CPED1: variants seen among roughly 807,000 people sequenced by gnomAD.
The protein encoded by CPED1 is cadherin-like and PC-esterase domain-containing protein 1.
Under a neutral mutation model 128.2 loss-of-function variants are expected in CPED1, and 114 were observed. That is an observed-to-expected ratio of 0.89 (90% CI 0.76 to 1.04). The LOEUF is 1.04. Ranked by LOEUF, CPED1 falls within the 50% of genes least tolerant of loss-of-function variation. The pLI, the probability that CPED1 is intolerant of heterozygous loss-of-function variation, is 0.00. For missense variants in CPED1, 1,211 were observed against 1,207.1 expected, an observed-to-expected ratio of 1.00 and a Z score of -0.05; for synonymous variants, 462 against 426.7, an observed-to-expected ratio of 1.08 and a Z score of -1.02.
chr7:121,289,840 A>G (rs577094725), intron 22 of CPED1, among the ~76,000 whole-genome samples: 1 of 151,984 alleles, frequency 6.6e-6, no homozygotes, highest in Non-Finnish European at 1.5e-5. Context: ...AAGTTCTGGG[A>G]TACATATGCA....
chr7:121,121,211 C>T (rs549085018), intron 7 of CPED1, among the ~76,000 whole-genome samples: 1 of 152,270 alleles, frequency 6.6e-6, no homozygotes, highest in Non-Finnish European at 1.5e-5. Context: ...AGATATCAGA[C>T]ATGATCCAAG....
chr7:121,272,393 T>C (rs147224850), intron 22 of CPED1, among the ~76,000 whole-genome samples: 1 of 152,056 alleles, frequency 6.6e-6, no homozygotes, highest in African/African-American at 2.4e-5. Flanking sequence ...TCTTTTTTTT[T>C]TGAGTGATTT....
intron 16 of CPED1, among the ~76,000 whole-genome samples, chr7:121,190,388 T>G (rs1797107790): frequency 1.1e-5 from 1 of 87,148 alleles, no homozygotes; most frequent in African/African-American, 4.8e-5. Context: ...CGAGACTCTG[T>G]ATCAAAAAAA....
At chr7:121,063,513 A>G (rs974018408) in intron 4 of CPED1, among the ~76,000 whole-genome samples, 2 of 151,978 alleles carry the variant, frequency 1.3e-5, no homozygotes, top group African/African-American at 2.4e-5. Flanking sequence ...CCAGCAGGAC[A>G]TAGTGCTGCA....
chr7:121,263,604 A>G (rs895259768), intron 18 of CPED1, among the ~76,000 whole-genome samples: 3 of 152,046 alleles, frequency 2.0e-5, no homozygotes, highest in Non-Finnish European at 2.9e-5. Context: ...AAACAGGACT[A>G]TTGTGCCTCT....
At chr7:121,276,841 G>C (rs1342942228) in intron 22 of CPED1, among the ~76,000 whole-genome samples, 4 of 152,108 alleles carry the variant, frequency 2.6e-5, no homozygotes, top group African/African-American at 4.8e-5. Context: ...AAAAAAGTAG[G>C]TGAGGGCAAG....
Position 121,266,269 on chromosome 7 carries a change from T to C in CPED1, c.2353T>C (p.Tyr785His). The change falls in exon 19 of 23, where the codon TAT becomes CAT. Residue 785 changes from tyrosine to histidine, a missense_variant. By Grantham distance (83) the Tyr-to-His change is moderately conservative. Transcript: ENST00000310396. ...GDSTNRGIMY[Y>H]LIERLNETLQ... ...TTCAACCAACAGAGGGATCATGTACTATCTTATTGAAAGGCTGAATGAAAC... is the reference window on the plus strand; with the variant it reads ...TTCAACCAACAGAGGGATCATGTACCATCTTATTGAAAGGCTGAATGAAAC... The C allele has an allele frequency of 6.2e-7, 1 of 1,613,118 alleles. No homozygotes were observed. Among genetic ancestry groups the C allele is most frequent in the Non-Finnish European group, 8.5e-7 (1 of 1,179,338 alleles).
At chr7:121,014,823 G>A (rs532369323) in intron 2 of CPED1, among the ~76,000 whole-genome samples, 14 of 151,938 alleles carry the variant, frequency 9.2e-5, no homozygotes, top group Non-Finnish European at 1.6e-4. Context: ...CCTGGTTTTT[G>A]CTGACCTCCA....
intron 2 of CPED1, among the ~76,000 whole-genome samples, chr7:120,998,769 G>A (rs148415000): frequency 2.1e-3 from 310 of 150,908 alleles, no homozygotes; most frequent in African/African-American, 7.2e-3. Context: ...ATCACTCAAC[G>A]TCAGACTTGC....
chr7:121,142,022 G>T lies in CPED1; in HGVS notation c.1936G>T (p.Val646Phe). The T allele has an allele frequency of 6.2e-7, 1 of 1,612,678 alleles. No individual in the cohort carries two copies. The highest frequency in any genetic ancestry group is 1.1e-5 in the South Asian group (1 of 91,016). Residue 646 changes from valine to phenylalanine, a missense_variant, in exon 16 of 23, where the codon GTT becomes TTT. Transcript: ENST00000310396. Reference sequence around the variant, plus strand: ...AGGAATGAACAAAATCTCAATATTTGTTGTGGATGAATCTCCAGCACACGG... The same window carrying T: ...AGGAATGAACAAAATCTCAATATTTTTTGTGGATGAATCTCCAGCACACGG... ...GLGMNKISIF[V>F]VDESPAHGET... is the part of the protein sequence containing the mutation.
At chr7:121,249,043 A>G (rs1456853830) in intron 18 of CPED1, among the ~76,000 whole-genome samples, 1 of 152,192 alleles carries the variant, frequency 6.6e-6, no homozygotes, top group African/African-American at 2.4e-5. Context: ...AATCAGAAGT[A>G]TTAGCAGCAG....
intron 7 of CPED1, among the ~76,000 whole-genome samples, chr7:121,116,760 T>C (rs1403706837): frequency 6.6e-6 from 1 of 151,956 alleles, no homozygotes; most frequent in East Asian, 1.9e-4. Flanking sequence ...CTGTATAACC[T>C]TAGGCGTGTA....
intron 22 of CPED1, among the ~76,000 whole-genome samples, chr7:121,278,726 T>C (rs798905): frequency 0.39 from 59,030 of 152,016 alleles, 16,014 homozygotes; most frequent in African/African-American, 0.77. Flanking sequence ...GATGACTTGA[T>C]ACAAAATCCT....
At chr7:121,115,399 G>A (rs1195572253) in intron 7 of CPED1, among the ~76,000 whole-genome samples, 3 of 152,148 alleles carry the variant, frequency 2.0e-5, no homozygotes, top group Non-Finnish European at 4.4e-5. Flanking sequence ...CCACTTAAAA[G>A]TTAGGGCAAA....
In CPED1 at chr7:121,126,918, T is replaced by C. The variant is rs114811972; in HGVS notation, c.1135-172T>C. On this transcript the variant is annotated intron_variant, in intron 9 of 22. Coordinates refer to ENST00000310396, the MANE Select transcript of CPED1 (RefSeq NM_024913.5). ...ATTAAATAATTGTATCTTTAAATTG[T>C]ATCTTTAAAAAAAATTACTCACATT... Among the ~76,000 whole-genome samples, 454 of 152,196 alleles carry C rather than the reference T, an allele frequency of 3.0e-3. 4 individuals are homozygous for C. The highest frequency in any genetic ancestry group is 0.011 in the African/African-American group (442 of 41,550).
At chr7:121,185,229 TATAA>T (rs770534817) in intron 16 of CPED1, among the ~76,000 whole-genome samples, 10 of 152,072 alleles carry the variant, frequency 6.6e-5, no homozygotes, top group Non-Finnish European at 1.5e-4. Context: ...CACAGACAAA[TATAA>T]ATATTCACTA....
At chr7:121,062,652 G>A (rs1034182746) in intron 4 of CPED1, 1 of 151,718 alleles carries the variant, frequency 6.6e-6, no homozygotes, top group Admixed American at 6.6e-5. Context: ...TAGTGCAAAT[G>A]AATGTCAGTG....
intron 3 of CPED1, among the ~76,000 whole-genome samples, chr7:121,026,211 A>G (rs1451603067): frequency 6.6e-6 from 1 of 152,206 alleles, no homozygotes; most frequent in Non-Finnish European, 1.5e-5. Flanking sequence ...ACAAAAACAG[A>G]GGACTTGCTT....
At chr7:121,013,442 C>T (rs1314839404) in intron 2 of CPED1, among the ~76,000 whole-genome samples, 1 of 152,186 alleles carries the variant, frequency 6.6e-6, no homozygotes, top group Non-Finnish European at 1.5e-5. Flanking sequence ...GTTCATCACA[C>T]ATATAGAAAG....
Sources: gnomAD v4.1 joint callset for allele counts (sites outside exome capture counted in the v4.1 genomes callset) on GRCh38, gnomAD v4.1.1 for gene constraint, MANE v1.5 for transcripts, NCBI Gene and HGNC (gene_info 2026-07-23, HGNC 2026-07-21) for gene names.